NRG1: variants seen among roughly 807,000 people sequenced by gnomAD.
The protein encoded by NRG1 is neuregulin 1.
A neutral mutation model predicts 63.8 loss-of-function variants in NRG1; 18 were observed. The observed-to-expected ratio is 0.28, with a 90% confidence interval of 0.19 to 0.42. The LOEUF (loss-of-function observed/expected upper bound fraction) is 0.42. NRG1 is among the 10% of genes least tolerant of loss of function. The pLI, the probability that NRG1 is intolerant of heterozygous loss-of-function variation, is 1.00. For synonymous variants in NRG1, 302 were observed against 301.3 expected, an observed-to-expected ratio of 1.00 and a Z score of -0.02; for missense variants, 762 against 814.7, an observed-to-expected ratio of 0.94 and a Z score of 0.79.
rs73580669 is a variant in NRG1, at chr8:31,936,851, G to A, written c.37+297420G>A. 6.9e-3 allele frequency among the ~76,000 whole-genome samples: 1,044 copies of A among 152,264 alleles called. 10 individuals carry two copies. Among genetic ancestry groups the A allele is most frequent in the African/African-American group, 0.024 (1,003 of 41,536 alleles). ...CTGTGAATTGAAATGCATGTCATAA[G>A]AACTTTAATCTGGTGCAATTGCTCT... is the stretch of plus-strand genomic sequence containing the variant. On this transcript the variant is annotated intron_variant, in intron 1 of 10. Coordinates refer to the NRG1 transcript ENST00000519301.
intron 6 of NRG1, among the ~76,000 whole-genome samples, chr8:32,731,582 T>C (rs899896128): frequency 1.3e-5 from 2 of 152,200 alleles, no homozygotes; most frequent in African/African-American, 4.8e-5. Flanking sequence ...TTGGAGAGTA[T>C]ATTTTACATC....
chr8:32,076,174 G>A (rs78562491), intron 1 of NRG1, among the ~76,000 whole-genome samples: 4,633 of 152,160 alleles, frequency 0.03, 244 homozygotes, highest in African/African-American at 0.11. Flanking sequence ...ACCCAGAGTG[G>A]TGTGGTTTGC....
chr8:32,468,338 T>A (rs937188295), intron 1 of NRG1, among the ~76,000 whole-genome samples: 1 of 152,200 alleles, frequency 6.6e-6, no homozygotes, highest in Non-Finnish European at 1.5e-5. Flanking sequence ...TTTTAGTTGG[T>A]TCTTGAGAAA....
exon 12 of NRG1, chr8:32,766,422 C>A (rs925947120): frequency 2.0e-5 from 3 of 152,152 alleles, no homozygotes; most frequent in African/African-American, 7.2e-5. Context: ...TGAGTAAGCT[C>A]ACGGCATGGG....
At chr8:32,046,234 A>T (rs552225994) in intron 1 of NRG1, among the ~76,000 whole-genome samples, 8 of 152,212 alleles carry the variant, frequency 5.3e-5, no homozygotes, top group African/African-American at 1.9e-4. Flanking sequence ...AACTAAAATG[A>T]TAATGCCATA....
intron 1 of NRG1, among the ~76,000 whole-genome samples, chr8:31,937,865 C>A (rs1249963068): frequency 2.0e-5 from 3 of 152,112 alleles, no homozygotes; most frequent in Non-Finnish European, 1.5e-5. Flanking sequence ...CACAGCAAGC[C>A]CTGCCAAAAG....
intron 1 of NRG1, among the ~76,000 whole-genome samples, chr8:32,472,010 T>C (rs1823910089): frequency 6.6e-6 from 1 of 152,128 alleles, no homozygotes; most frequent in African/African-American, 2.4e-5. Context: ...GGACTCACTC[T>C]CTCCCTCACA....
At chr8:31,639,906 G>A (rs1274818477) in intron 1 of NRG1, 3 of 1,093,824 alleles carry the variant, frequency 2.7e-6, no homozygotes, top group African/African-American at 1.7e-5. Flanking sequence ...GTGCTGCGAG[G>A]GGAAGGAAAA....
chr8:32,240,871 C>T (rs1848031255), intron 1 of NRG1, among the ~76,000 whole-genome samples: 1 of 151,794 alleles, frequency 6.6e-6, no homozygotes, highest in African/African-American at 2.4e-5. Flanking sequence ...GAAAAATAAG[C>T]TTTAACTGAC....
intron 1 of NRG1, among the ~76,000 whole-genome samples, chr8:32,036,534 G>A (rs144017143): frequency 2.4e-4 from 36 of 152,260 alleles, no homozygotes; most frequent in African/African-American, 8.4e-4. Flanking sequence ...TTTCCAACTT[G>A]ATTCTGTTCT....
intron 5 of NRG1, among the ~76,000 whole-genome samples, chr8:32,684,418 G>C (rs1809523350): frequency 6.6e-6 from 1 of 152,128 alleles, no homozygotes; most frequent in Non-Finnish European, 1.5e-5. Flanking sequence ...ATTTTAAATA[G>C]AGTGGTAGGG....
intron 1 of NRG1, among the ~76,000 whole-genome samples, chr8:31,762,120 G>A (rs1474738803): frequency 1.3e-5 from 2 of 152,126 alleles, no homozygotes; most frequent in Non-Finnish European, 2.9e-5. Context: ...CAGGGTACAT[G>A]TGCAGAACAT....
At chr8:31,876,897 C>T (rs746959857) in intron 1 of NRG1, among the ~76,000 whole-genome samples, 2 of 152,182 alleles carry the variant, frequency 1.3e-5, no homozygotes, top group Non-Finnish European at 2.9e-5. Context: ...CATCTCTACT[C>T]AAAGTGTGTG....
At chr8:32,282,037 G>T (rs189209513) in intron 1 of NRG1, among the ~76,000 whole-genome samples, 1 of 152,124 alleles carries the variant, frequency 6.6e-6, no homozygotes, top group Non-Finnish European at 1.5e-5. Context: ...AACTTACACC[G>T]CTCACAGAGT....
chr8:31,862,244 T>C (rs540217549), intron 1 of NRG1, among the ~76,000 whole-genome samples: 1 of 152,324 alleles, frequency 6.6e-6, no homozygotes, highest in African/African-American at 2.4e-5. Context: ...CTTGTGTGTA[T>C]CAGGAGAAAA....
chr8:32,348,235 C>T (rs1408708713), intron 1 of NRG1, among the ~76,000 whole-genome samples: 1 of 152,128 alleles, frequency 6.6e-6, no homozygotes, highest in East Asian at 1.9e-4. Flanking sequence ...CTTTAAGCCC[C>T]TTCTGTGTTT....
chr8:32,696,983 T>C (rs759541751), intron 5 of NRG1, among the ~76,000 whole-genome samples: 20 of 152,202 alleles, frequency 1.3e-4, no homozygotes, highest in Non-Finnish European at 2.2e-4. Flanking sequence ...TCTTTAAAGA[T>C]GGTCTGCTAT....
intron 1 of NRG1, among the ~76,000 whole-genome samples, chr8:32,173,258 AG>A (rs1432200949): frequency 2.6e-5 from 4 of 152,146 alleles, no homozygotes; most frequent in Non-Finnish European, 4.4e-5. Context: ...TAAGTGAAGG[AG>A]AAATAAAATC....
intron 6 of NRG1, among the ~76,000 whole-genome samples, chr8:32,732,402 T>C (rs867147976): frequency 6.6e-6 from 1 of 152,172 alleles, no homozygotes; most frequent in South Asian, 2.1e-4. Flanking sequence ...AGAACTACTT[T>C]GGAAGATGTT....
Sources: allele counts gnomAD v4.1 joint callset (sites outside exome capture counted in the v4.1 genomes callset), GRCh38; gene constraint gnomAD v4.1.1; transcripts MANE v1.5; gene names NCBI Gene and HGNC (gene_info 2026-07-23, HGNC 2026-07-21).